The following FBXL7 variants were observed in gnomAD, a reference collection of about 807,000 sequenced individuals.
FBXL7 encodes the protein F-box and leucine rich repeat protein 7.
A neutral mutation model predicts 38.3 loss-of-function variants in FBXL7; 12 were observed. That is an observed-to-expected ratio of 0.31 (90% CI 0.20 to 0.51). The LOEUF is 0.51. Ranked by LOEUF, FBXL7 falls within the 20% of genes least tolerant of loss-of-function variation. FBXL7 has a pLI of 0.98. For missense variants in FBXL7, 567 were observed against 676.4 expected (o/e 0.84, Z 1.79); for synonymous variants, 297 against 300.9 (o/e 0.99, Z 0.13).
chr5:15,619,798 G>A (rs779163618), intron 2 of FBXL7, among the ~76,000 whole-genome samples: 5 of 152,182 alleles, frequency 3.3e-5, no homozygotes, highest in Non-Finnish European at 7.3e-5. Flanking sequence ...CAGAAGTGTT[G>A]GCCTTTTCCC....
In FBXL7 at chr5:15,741,818, C is replaced by T. The variant is rs115220589; in HGVS notation, c.127+125746C>T. On this transcript the variant is annotated intron_variant, in intron 2 of 3. Transcript: ENST00000504595. ...AAAAGAACAACTTTTTTTTTTCCTC[C>T]GAAGAAACCAGCAGCCCATAGAATT... 7.4e-3 allele frequency among the ~76,000 whole-genome samples: 1,125 copies of T among 151,414 alleles called. 13 individuals carry two copies. The highest frequency in any genetic ancestry group is 0.026 in the African/African-American group (1,064 of 41,348).
Position 15,577,444 on chromosome 5 carries a change from T to C in FBXL7, c.38-38539T>C, listed in dbSNP as rs1739003052. Among the ~76,000 whole-genome samples the C allele has an allele frequency of 2.0e-5, 3 of 152,184 alleles. No homozygotes were observed. The South Asian group carries it at 6.2e-4, about 32-fold the overall frequency. Reference sequence around the variant, plus strand: ...TCTATGTGACAGAGAGTGACCGCTTTCTATTTAGCTAGCTGCATTGCATCA... The same window carrying C: ...TCTATGTGACAGAGAGTGACCGCTTCCTATTTAGCTAGCTGCATTGCATCA... On this transcript the variant is annotated intron_variant, in intron 1 of 3. Coordinates refer to ENST00000504595, the MANE Select transcript of FBXL7 (RefSeq NM_012304.5).
intron 1 of FBXL7, among the ~76,000 whole-genome samples, chr5:15,584,070 T>C (rs949305376): frequency 2.2e-4 from 33 of 152,176 alleles, no homozygotes; most frequent in Non-Finnish European, 4.4e-5. Flanking sequence ...AGCTGTACCT[T>C]GACCCCTTTT....
rs1365518392 is a variant in FBXL7, at chr5:15,500,435, C to T, written c.-242C>T. 8.2e-6 allele frequency: 4 copies of T among 488,226 alleles called. No individual in the cohort carries two copies. Among genetic ancestry groups the T allele is most frequent in the South Asian group, 8.1e-5 (3 of 36,950 alleles). The allele number at this position is 488,226 out of a possible 1,614,324, so 30.2% of individuals were successfully genotyped here. ...GCGCTGCGCCCGCCGGCCCCCAGCGCGGATTGTAAGTGCTGCAGCTGTGCC... is the reference window on the plus strand; with the variant it reads ...GCGCTGCGCCCGCCGGCCCCCAGCGTGGATTGTAAGTGCTGCAGCTGTGCC... On this transcript the variant is annotated 5_prime_UTR_variant, in exon 1 of 4. Transcript: ENST00000504595.
At chr5:15,521,893 T>G (rs1172775411) in intron 1 of FBXL7, among the ~76,000 whole-genome samples, 1 of 152,262 alleles carries the variant, frequency 6.6e-6, no homozygotes, top group East Asian at 1.9e-4. Context: ...AACTATACAT[T>G]TCTTCGTACT....
At chr5:15,709,679 CTTAG>C (rs771991120) in intron 2 of FBXL7, among the ~76,000 whole-genome samples, 3 of 151,990 alleles carry the variant, frequency 2.0e-5, no homozygotes, top group African/African-American at 4.8e-5. Flanking sequence ...AACCTTCTGT[CTTAG>C]TTTGTTTATG....
At chr5:15,792,152 G>T (rs1301917388) in intron 2 of FBXL7, among the ~76,000 whole-genome samples, 1 of 152,118 alleles carries the variant, frequency 6.6e-6, no homozygotes, top group Non-Finnish European at 1.5e-5. Context: ...ACAGGGAAAT[G>T]GTATTATAAT....
intron 1 of FBXL7, among the ~76,000 whole-genome samples, chr5:15,523,138 C>A (rs774324706): frequency 6.6e-6 from 1 of 152,108 alleles, no homozygotes; most frequent in African/African-American, 2.4e-5. Flanking sequence ...TGTACCGCAC[C>A]GTTACAGAGG....
At chr5:15,604,071 G>A (rs890955064) in intron 1 of FBXL7, among the ~76,000 whole-genome samples, 6 of 152,256 alleles carry the variant, frequency 3.9e-5, no homozygotes, top group Middle Eastern at 6.8e-3. Context: ...GGAAGGCAGA[G>A]GTTGCAGTAA....
In FBXL7 at chr5:15,538,875, C is replaced by T. The variant is rs571211930; in HGVS notation, c.37+38162C>T. ...TTATACAAACTCAGAAAGCATGTCT[C>T]GGTAATTCTTCTGTACAGCTTTAGA... On this transcript the variant is annotated intron_variant, in intron 1 of 3. Transcript: ENST00000504595. Among the ~76,000 whole-genome samples the T allele has an allele frequency of 7.2e-5, 11 of 152,036 alleles. No homozygotes were observed. The South Asian group carries it at 2.3e-3, about 32-fold the overall frequency.
At chr5:15,686,876 C>A (rs1324291617) in intron 2 of FBXL7, among the ~76,000 whole-genome samples, 7 of 152,186 alleles carry the variant, frequency 4.6e-5, no homozygotes, top group Non-Finnish European at 1.0e-4. Flanking sequence ...ACAGGGGCTT[C>A]AAGCATGGTG....
chr5:15,755,569 C>G (rs1481232678), intron 2 of FBXL7, among the ~76,000 whole-genome samples: 1 of 152,142 alleles, frequency 6.6e-6, no homozygotes, highest in Non-Finnish European at 1.5e-5. Flanking sequence ...TCGCAGTCTG[C>G]AAATAGCTAT....
chr5:15,589,686 T>C (rs1739412557), intron 1 of FBXL7, among the ~76,000 whole-genome samples: 1 of 152,198 alleles, frequency 6.6e-6, no homozygotes, highest in Non-Finnish European at 1.5e-5. Context: ...GCTTTGGAAG[T>C]TATTATCTTA....
chr5:15,519,846 A>C (rs1366309282), intron 1 of FBXL7, among the ~76,000 whole-genome samples: 1 of 152,166 alleles, frequency 6.6e-6, no homozygotes, highest in Non-Finnish European at 1.5e-5. Flanking sequence ...TCCAGACCCT[A>C]AGAGAAGGTT....
intron 2 of FBXL7, among the ~76,000 whole-genome samples, chr5:15,915,256 C>G (rs1741553394): frequency 6.6e-6 from 1 of 152,196 alleles, no homozygotes; most frequent in African/African-American, 2.4e-5. Flanking sequence ...GCTGCTGTAA[C>G]AAAATACTGC....
intron 2 of FBXL7, among the ~76,000 whole-genome samples, chr5:15,862,060 G>A (rs2126808871): frequency 6.6e-6 from 1 of 152,288 alleles, no homozygotes; most frequent in South Asian, 2.1e-4. Flanking sequence ...AGAATGGAAA[G>A]AAAAGAATGG....
intron 2 of FBXL7, among the ~76,000 whole-genome samples, chr5:15,772,284 C>G (rs113355002): frequency 2.1e-3 from 320 of 152,270 alleles, no homozygotes; most frequent in African/African-American, 7.1e-3. Context: ...TTTACAGGTG[C>G]TCGCATCCCT....
intron 2 of FBXL7, among the ~76,000 whole-genome samples, chr5:15,851,381 C>T (rs891976013): frequency 1.3e-5 from 2 of 152,162 alleles, no homozygotes; most frequent in African/African-American, 2.4e-5. Context: ...TGCCTCAGGT[C>T]GCAACGGCAC....
chr5:15,740,060 T>G (rs1735855752), intron 2 of FBXL7, among the ~76,000 whole-genome samples: 1 of 152,208 alleles, frequency 6.6e-6, no homozygotes, highest in Non-Finnish European at 1.5e-5. Context: ...TTTTATTATC[T>G]TTTTGATGAT....
Sources: gnomAD v4.1 joint callset for allele counts (sites outside exome capture counted in the v4.1 genomes callset) on GRCh38, gnomAD v4.1.1 for gene constraint, MANE v1.5 for transcripts, NCBI Gene and HGNC (gene_info 2026-07-23, HGNC 2026-07-21) for gene names.